FZR1: variants seen among roughly 807,000 people sequenced by gnomAD.
The protein encoded by FZR1 is fizzy-related protein homolog.
In FZR1, 11 loss-of-function variants were observed where a neutral mutation model predicts 63.6. That is an observed-to-expected ratio of 0.17 (90% CI 0.11 to 0.29). The LOEUF is 0.29. Ranked by LOEUF, FZR1 falls within the 10% of genes least tolerant of loss-of-function variation. The pLI is 1.00. For synonymous variants in FZR1, 328 were observed against 297.9 expected (o/e 1.10, Z -1.04); for missense variants, 440 against 687.5 (o/e 0.64, Z 4.03).
chr19:3,523,507 T>G (rs1317355097), intron 2 of FZR1, among the ~76,000 whole-genome samples: 1 of 152,148 alleles, frequency 6.6e-6, no homozygotes, highest in African/African-American at 2.4e-5. Context: ...CCACACAGGG[T>G]CTCGGGGCTG....
chr19:3,514,343 G>C lies in FZR1; in HGVS notation c.-35+7869G>C, dbSNP rs2083043695. Among the ~76,000 whole-genome samples the C allele has an allele frequency of 6.6e-6, 1 of 152,172 alleles. No individual in the cohort carries two copies. Among genetic ancestry groups the C allele is most frequent in the Non-Finnish European group, 1.5e-5 (1 of 68,012 alleles). On this transcript the variant is annotated intron_variant, in intron 1 of 13. Transcript: ENST00000441788. The surrounding 1 kb of genome is among the most constrained non-coding windows in gnomAD (Gnocchi z 4.2). ...AAGTCACTTCCCTGGTTTTGCCCGA[G>C]AGCAGGGTCTCTGCCCTTGCACCCT...
intron 7 of FZR1, among the ~76,000 whole-genome samples, 173 bp downstream of exon 7, chr19:3,527,987 A>AGCCCTCCCAGCCATG (rs1181850893): frequency 7.7e-6 from 1 of 129,880 alleles, no homozygotes; most frequent in East Asian, 2.5e-4. Flanking sequence ...CTACCCTCCC[A>AGCCCTCCCAGCCATG]GCCCTCCCAG....
intron 12 of FZR1, chr19:3,534,152 C>T: frequency 2.9e-6 from 1 of 347,040 alleles, no homozygotes; most frequent in South Asian, 4.8e-5. Context: ...CCCAGGAGGT[C>T]AAGGCTGCAG....
At chr19:3,534,375 G>A (rs761006156) in intron 12 of FZR1, 46 bp from the exon 13 acceptor site, 2 of 1,078,884 alleles carry the variant, frequency 1.9e-6, no homozygotes, top group South Asian at 2.7e-5. Flanking sequence ...CTGTCCCGAG[G>A]CACCTAGAGG....
chr19:3,530,971 A>C, intron 8 of FZR1, 114 bp downstream of exon 8: 1 of 726,400 alleles, frequency 1.4e-6, no homozygotes, highest in South Asian at 1.7e-5. Context: ...CCTGTGTCCA[A>C]GCATAGGTCT....
At chr19:3,512,265 C>T (rs2083029575) in intron 1 of FZR1, among the ~76,000 whole-genome samples, 1 of 152,192 alleles carries the variant, frequency 6.6e-6, no homozygotes, top group Non-Finnish European at 1.5e-5. Flanking sequence ...CCTCTGGGGC[C>T]GTGTGTGCAC....
chr19:3,530,652 C>A, intron 7 of FZR1, 140 bp from the exon 8 acceptor site: 5 of 629,538 alleles, frequency 7.9e-6, no homozygotes, highest in Non-Finnish European at 1.4e-5. Context: ...GTGGATGGGA[C>A]TGTGGATGGG....
At chr19:3,531,112 G>A (rs1231107276) in intron 8 of FZR1, among the ~76,000 whole-genome samples, 2 of 152,092 alleles carry the variant, frequency 1.3e-5, no homozygotes, top group Non-Finnish European at 2.9e-5. Flanking sequence ...CCTTCCATGG[G>A]ACCTGCCCAC....
chr19:3,523,376 C>G (rs2083121516), intron 2 of FZR1, among the ~76,000 whole-genome samples: 2 of 152,214 alleles, frequency 1.3e-5, no homozygotes, highest in Non-Finnish European at 2.9e-5. Context: ...TCTCCAAGCC[C>G]CAGGCACATC....
Position 3,531,937 on chromosome 19 carries a change from C to T in FZR1, c.850C>T (p.Leu284=). The stretch of plus-strand genomic sequence containing the variant: ...GGCGCTGGCCTGGAATGCTGAGCAG[C>T]TGTCGTCCGGGAGCCGCGACCGCAT... ...VGALAWNAEQ[L]SSGSRDRMIL... Residue 284 remains leucine (L), a synonymous_variant, in exon 10 of 14, where the codon CTG becomes TTG. Transcript: ENST00000441788. 1 of 1,593,708 alleles carries T rather than the reference C, an allele frequency of 6.3e-7. No homozygotes were observed. The highest frequency in any genetic ancestry group is 8.5e-7 in the Non-Finnish European group (1 of 1,173,482).
At chr19:3,534,396 T>G in intron 12 of FZR1, 25 bp from the exon 13 acceptor site, 1 of 1,351,402 alleles carries the variant, frequency 7.4e-7, no homozygotes, top group Non-Finnish European at 1.1e-6. Context: ...CCCAGAGACA[T>G]GGGGTGCTTC....
intron 7 of FZR1, among the ~76,000 whole-genome samples, chr19:3,528,762 G>T (rs56279430): frequency 7.5e-5 from 9 of 120,374 alleles, no homozygotes; most frequent in African/African-American, 3.5e-4. Flanking sequence ...TGGGTGTGTG[G>T]ATGGGTGCGT....
intron 1 of FZR1, among the ~76,000 whole-genome samples, chr19:3,512,026 C>T (rs1331891595): frequency 2.0e-5 from 3 of 152,190 alleles, no homozygotes; most frequent in South Asian, 4.1e-4. Context: ...CCTGCAACCA[C>T]GGCCACCTGC....
chr19:3,521,018 C>T (rs775024826), intron 1 of FZR1, among the ~76,000 whole-genome samples: 5 of 152,314 alleles, frequency 3.3e-5, no homozygotes, highest in African/African-American at 4.8e-5. Context: ...AGGGCGTGTC[C>T]GCGCTGTGGC....
At position 3,533,212 on chromosome 19, in the gene FZR1, C is replaced by T. The variant is rs912131068; in HGVS notation, c.1243-82C>T. ...GCGGCTCTGAGCTCTCACATGGGCT[C>T]AGGCGGGTGCATGTGAGGCAGCAGG... On this transcript the variant is annotated intron_variant, in intron 11 of 13. Coordinates refer to ENST00000441788, the MANE Select transcript of FZR1 (RefSeq NM_016263.4). The surrounding 1 kb of genome is among the most constrained non-coding windows in gnomAD (Gnocchi z 4.9). 3.5e-5 allele frequency: 30 copies of T among 853,236 alleles called. No individual in the cohort carries two copies. The highest frequency in any genetic ancestry group is 5.2e-5 in the Non-Finnish European group (26 of 503,808). The allele number at this position is 853,236 out of a possible 1,614,324, so 52.9% of individuals were successfully genotyped here.
intron 13 of FZR1, 76 bp from the exon 14 acceptor site, chr19:3,534,719 A>G: frequency 7.3e-7 from 1 of 1,367,948 alleles, no homozygotes; most frequent in Non-Finnish European, 1.0e-6. Context: ...CAAGCCCCAA[A>G]GCCTTGGGGA....
In FZR1 at chr19:3,516,542, G is replaced by A. The variant is rs1025918945; in HGVS notation, c.-34-6414G>A. Among the ~76,000 whole-genome samples, 8 of 152,180 alleles carry A rather than the reference G, an allele frequency of 5.3e-5. No individual in the cohort carries two copies. The highest frequency in any genetic ancestry group is 1.9e-4 in the East Asian group (1 of 5,194). On this transcript the variant is annotated intron_variant, in intron 1 of 13. Transcript: ENST00000441788. This position sits in a 1 kb window ranked among gnomAD's most constrained non-coding sequence, Gnocchi z 6.0. ...GCTTAGAGGGGTCGCTGGGGGTCCCGGAGCTGAGCTGAGCACCGCTAGCAG... is the reference window on the plus strand; with the variant it reads ...GCTTAGAGGGGTCGCTGGGGGTCCCAGAGCTGAGCTGAGCACCGCTAGCAG...
chr19:3,517,754 T>G (rs539902110), intron 1 of FZR1, among the ~76,000 whole-genome samples: 49 of 152,220 alleles, frequency 3.2e-4, no homozygotes, highest in Admixed American at 2.8e-3. Flanking sequence ...TTGTCCACAC[T>G]TAGGTCTCTG....
Position 3,536,077 on chromosome 19 carries a change from C to A in FZR1, c.*1241C>A, listed in dbSNP as rs1391996864. 1 of 152,212 alleles carries A rather than the reference C, an allele frequency of 6.6e-6. No individual in the cohort carries two copies. The highest frequency in any genetic ancestry group is 1.5e-5 in the Non-Finnish European group (1 of 68,062). 9.4% of individuals were successfully genotyped at this position (152,212 alleles called of 1,614,324 possible). On this transcript the variant is annotated 3_prime_UTR_variant, in exon 14 of 14. Transcript: ENST00000441788. Reference sequence around the variant, plus strand: ...GGCTGGGGTTGGAGGGTCCCACCCACCACCCTGCTGTGCTTGGGAACCCCC... The same window carrying A: ...GGCTGGGGTTGGAGGGTCCCACCCAACACCCTGCTGTGCTTGGGAACCCCC...
Sources: allele counts gnomAD v4.1 joint callset (sites outside exome capture counted in the v4.1 genomes callset), GRCh38; gene constraint gnomAD v4.1.1; non-coding constraint Gnocchi (gnomAD v3.1); transcripts MANE v1.5; gene names NCBI Gene and HGNC (gene_info 2026-07-23, HGNC 2026-07-21).